The following OR2AJ1 variants were observed in gnomAD, a reference collection of about 807,000 sequenced individuals.
The protein encoded by OR2AJ1 is olfactory receptor family 2 subfamily AJ member 1, also known as olfactory receptor 2AJ1.
For synonymous variants in OR2AJ1, 105 were observed against 60.3 expected, an observed-to-expected ratio of 1.74 and a Z score of -3.44; for missense variants, 280 against 163.2, an observed-to-expected ratio of 1.72 and a Z score of -3.90.
At chr1:247,925,673 A>C (rs557624280) in intron 1 of OR2AJ1, among the ~76,000 whole-genome samples, 2 of 152,182 alleles carry the variant, frequency 1.3e-5, no homozygotes, top group Non-Finnish European at 2.9e-5. Flanking sequence ...CAGAAAGAGG[A>C]ATCTAGTGTT....
At chr1:247,932,493 A>G (rs942308528) in intron 1 of OR2AJ1, among the ~76,000 whole-genome samples, 1 of 152,242 alleles carries the variant, frequency 6.6e-6, no homozygotes, top group Non-Finnish European at 1.5e-5. Context: ...GGATTAAGTG[A>G]TCTGTTTATG....
chr1:247,929,599 G>GGTCTGTGTGTGT (rs138586638), intron 1 of OR2AJ1, among the ~76,000 whole-genome samples: 6,908 of 147,348 alleles, frequency 0.047, 266 homozygotes, highest in Middle Eastern at 0.068. Flanking sequence ...CCCTTCACTC[G>GGTCTGTGTGTGT]GTGTGTGTGT....
intron 1 of OR2AJ1, among the ~76,000 whole-genome samples, chr1:247,931,174 C>T (rs1029043040): frequency 6.6e-6 from 1 of 152,180 alleles, no homozygotes; most frequent in Non-Finnish European, 1.5e-5. Flanking sequence ...ATAGAAAAGA[C>T]ATGGATGTAG....
At chr1:247,931,572 A>G (rs554325240) in intron 1 of OR2AJ1, among the ~76,000 whole-genome samples, 3 of 152,176 alleles carry the variant, frequency 2.0e-5, no homozygotes, top group Admixed American at 2.0e-4. Flanking sequence ...ATAAGAAATA[A>G]ATTGTGGATT....
At chr1:247,927,699 A>G (rs1489317678) in intron 1 of OR2AJ1, among the ~76,000 whole-genome samples, 1 of 152,052 alleles carries the variant, frequency 6.6e-6, no homozygotes, top group Non-Finnish European at 1.5e-5. Flanking sequence ...CCCAGCCTCG[A>G]GTAAATACCA....
At chr1:247,932,386 A>C (rs1660163508) in intron 1 of OR2AJ1, among the ~76,000 whole-genome samples, 1 of 152,162 alleles carries the variant, frequency 6.6e-6, no homozygotes, top group Admixed American at 6.5e-5. Context: ...GGCAGGACTA[A>C]TTACACATAC....
intron 1 of OR2AJ1, among the ~76,000 whole-genome samples, 197 bp downstream of exon 1, chr1:247,925,365 A>G (rs1660079184): frequency 6.6e-6 from 1 of 152,172 alleles, no homozygotes; most frequent in Non-Finnish European, 1.5e-5. Context: ...GCAGATTCTG[A>G]GGGGGAGAGA....
chr1:247,928,747 T>C (rs1333698671), intron 1 of OR2AJ1, among the ~76,000 whole-genome samples: 1 of 152,172 alleles, frequency 6.6e-6, no homozygotes, highest in African/African-American at 2.4e-5. Flanking sequence ...TTTGTCCCTA[T>C]GAAATGGTTA....
chr1:247,934,956 G>C lies in OR2AJ1; in HGVS notation c.*201G>C, dbSNP rs1315463209. 1 of 480,416 alleles carries C rather than the reference G, an allele frequency of 2.1e-6. No homozygotes were observed. Among genetic ancestry groups the C allele is most frequent in the African/African-American group, 2.0e-5 (1 of 50,200 alleles). 29.8% of individuals were successfully genotyped at this position (480,416 alleles called of 1,614,324 possible). ...CATGCAACAGTTACAGGAAGTAGAA[G>C]TTACCCAAGGCGTCCTATTCCCTAA... On this transcript the variant is annotated 3_prime_UTR_variant, in exon 2 of 2. Transcript: ENST00000318244.
In OR2AJ1 at chr1:247,935,171, T is replaced by A. The variant is rs1476730846; in HGVS notation, c.*416T>A. 6.0e-6 allele frequency: 1 copy of A among 165,922 alleles called. No individual in the cohort carries two copies. The highest frequency in any genetic ancestry group is 1.3e-5 in the Non-Finnish European group (1 of 76,966). 10.3% of individuals were successfully genotyped at this position (165,922 alleles called of 1,614,324 possible). Reference sequence around the variant, plus strand: ...CTGGTTTATCAACACCTTTATTTAGTAAAATTTTACAGATACACATATATA... The same window carrying A: ...CTGGTTTATCAACACCTTTATTTAGAAAAATTTTACAGATACACATATATA... On this transcript the variant is annotated 3_prime_UTR_variant, in exon 2 of 2. Coordinates refer to ENST00000318244, the MANE Select transcript of OR2AJ1 (RefSeq NM_001355235.2).
In OR2AJ1 at chr1:247,927,336, C is replaced by T. The variant is rs1313000488; in HGVS notation, c.-23+2168C>T. 2.6e-5 allele frequency among the ~76,000 whole-genome samples: 4 copies of T among 152,096 alleles called. No individual in the cohort carries two copies. In the South Asian group the frequency reaches 6.2e-4, roughly 24 times the overall value. On this transcript the variant is annotated intron_variant, in intron 1 of 1. Coordinates refer to ENST00000318244, the MANE Select transcript of OR2AJ1 (RefSeq NM_001355235.2). Reference sequence around the variant, plus strand: ...TCAGTTCTATCATCAGTAACAGAGACCTGGTCAGTAGGGACTTCAACATTA... The same window carrying T: ...TCAGTTCTATCATCAGTAACAGAGATCTGGTCAGTAGGGACTTCAACATTA...
In OR2AJ1 at chr1:247,934,130, A is replaced by G. The variant is rs985120269; in HGVS notation, c.362A>G (p.Asp121Gly). ...ECLLLAAMSC[D>G]RYVAICHPLR... ...CTTCTCCTGGCTGCAATGTCCTGTGATCGCTATGTGGCTATCTGTCACCCG... is the reference window on the plus strand; with the variant it reads ...CTTCTCCTGGCTGCAATGTCCTGTGGTCGCTATGTGGCTATCTGTCACCCG... The change falls in exon 2 of 2, where the codon GAT (aspartate) becomes GGT (glycine). Residue 121 changes from aspartate (D) to glycine (G), a missense_variant. By Grantham distance (94) the Asp-to-Gly change is moderately conservative. Coordinates refer to ENST00000318244, the MANE Select transcript of OR2AJ1 (RefSeq NM_001355235.2). The G allele has an allele frequency of 1.1e-5, 8 of 718,896 alleles. 1 individual carries two copies. The highest frequency in any genetic ancestry group is 2.3e-4 in the Middle Eastern group (1 of 4,378). The allele number at this position is 718,896 out of a possible 1,614,324, so 44.5% of individuals were successfully genotyped here.
At position 247,934,749 on chromosome 1, in the gene OR2AJ1, A is replaced by G. The variant is rs141926555; in HGVS notation, c.981A>G (p.Leu327=). ...CTGAATGTGTGTTCTGTCTATTTCT[A>G]TGTTAAATGCCTGAAGGATACTCAT... ...KIPECVFCLF[L]C The change falls in exon 2 of 2, where the codon CTA becomes CTG. Residue 327 remains leucine (L), a synonymous_variant. Coordinates refer to ENST00000318244, the MANE Select transcript of OR2AJ1 (RefSeq NM_001355235.2). 1.0e-4 allele frequency: 70 copies of G among 698,014 alleles called. No homozygotes were observed. The Middle Eastern group carries it at 1.2e-3, about 12-fold the overall frequency. 43.2% of individuals were successfully genotyped at this position (698,014 alleles called of 1,614,324 possible).
chr1:247,934,068 G>A lies in OR2AJ1; in HGVS notation c.300G>A (p.Gln100=). The A allele has an allele frequency of 2.8e-6, 2 of 717,782 alleles. No homozygotes were observed. Among genetic ancestry groups the A allele is most frequent in the Non-Finnish European group, 5.2e-6 (2 of 385,168 alleles). The allele number at this position is 717,782 out of a possible 1,614,324, so 44.5% of individuals were successfully genotyped here. ...RTISFAGCGF[Q]VFLSLTLLGG... The stretch of plus-strand genomic sequence containing the variant: ...TTTCATTTGCAGGTTGTGGGTTCCA[G>A]GTATTTCTGTCCCTCACCCTCCTGG... Residue 100 remains glutamine (Q), a synonymous_variant, in exon 2 of 2, where the codon CAG becomes CAA. Transcript: ENST00000318244.
intron 1 of OR2AJ1, among the ~76,000 whole-genome samples, chr1:247,932,008 A>T (rs1021717991): frequency 6.6e-6 from 1 of 152,240 alleles, no homozygotes; most frequent in Non-Finnish European, 1.5e-5. Context: ...TGTGTGTATC[A>T]TCACATTTTA....
chr1:247,926,417 A>G (rs1660091660), intron 1 of OR2AJ1, among the ~76,000 whole-genome samples: 1 of 152,218 alleles, frequency 6.6e-6, no homozygotes, highest in South Asian at 2.1e-4. Flanking sequence ...GAGAAGTCAT[A>G]TAGGTTAACT....
chr1:247,934,096 G>A lies in OR2AJ1; in HGVS notation c.328G>A (p.Gly110Ser). 1 of 718,376 alleles carries A rather than the reference G, an allele frequency of 1.4e-6. No individual in the cohort carries two copies. The highest frequency in any genetic ancestry group is 1.5e-5 in the South Asian group (1 of 67,606). 44.5% of individuals were successfully genotyped at this position (718,376 alleles called of 1,614,324 possible). A position where few individuals can be genotyped will look rare whatever the true frequency, so the allele number is the denominator to read the frequency against. ...ATTTCTGTCCCTCACCCTCCTGGGT[G>A]GTGAGTGCCTTCTCCTGGCTGCAAT... Reference protein sequence around the residue: ...QVFLSLTLLGGECLLLAAMSC... With the variant: ...QVFLSLTLLGSECLLLAAMSC... Residue 110 changes from glycine to serine, a missense_variant, in exon 2 of 2, where the codon GGT becomes AGT. Transcript: ENST00000318244.
At chr1:247,929,638 T>C (rs1660131432) in intron 1 of OR2AJ1, among the ~76,000 whole-genome samples, 1 of 83,546 alleles carries the variant, frequency 1.2e-5, no homozygotes, top group South Asian at 3.5e-4. Flanking sequence ...GTGTTTGCAG[T>C]GGGGGTATTT....
Position 247,933,840 on chromosome 1 carries a change from T to G in OR2AJ1, c.72T>G (p.Ser24Arg), listed in dbSNP as rs754722439. 7.5e-6 allele frequency: 5 copies of G among 665,830 alleles called. No homozygotes were observed. The East Asian group carries it at 8.2e-5, about 11-fold the overall frequency. 41.2% of individuals were successfully genotyped at this position (665,830 alleles called of 1,614,324 possible). A position where few individuals can be genotyped will look rare whatever the true frequency, so the allele number is the denominator to read the frequency against. Residue 24 changes from serine (S) to arginine (R), a missense_variant, in exon 2 of 2, where the codon AGT becomes AGG. Physicochemically the swap from Ser to Arg is moderately radical, Grantham distance 110. Coordinates refer to ENST00000318244, the MANE Select transcript of OR2AJ1 (RefSeq NM_001355235.2). ...GATTGTTCTCTTCTTCCCCAACAAGTGTGGTCTTCTTCTTAGTTTTATTTG... is the reference window on the plus strand; with the variant it reads ...GATTGTTCTCTTCTTCCCCAACAAGGGTGGTCTTCTTCTTAGTTTTATTTG... Reference protein sequence around the residue: ...LLGLFSSSPTSVVFFLVLFVI... With the variant: ...LLGLFSSSPTRVVFFLVLFVI...
Sources: gnomAD v4.1 joint callset for allele counts (sites outside exome capture counted in the v4.1 genomes callset) on GRCh38, gnomAD v4.1.1 for gene constraint, MANE v1.5 for transcripts, NCBI Gene and HGNC (gene_info 2026-07-23, HGNC 2026-07-21) for gene names.